The following GRID2 variants were observed in gnomAD, a reference collection of about 807,000 sequenced individuals.
The protein encoded by GRID2 is glutamate receptor ionotropic, delta-2.
A neutral mutation model predicts 114.8 loss-of-function variants in GRID2; 33 were observed. The ratio of observed to expected loss-of-function variants is 0.29; its 90% CI spans 0.22 to 0.38. The LOEUF (loss-of-function observed/expected upper bound fraction) is 0.38. Ranked by LOEUF, GRID2 falls within the 10% of genes least tolerant of loss-of-function variation. GRID2 has a pLI of 1.00. For synonymous variants in GRID2, 505 were observed against 449.9 expected, an observed-to-expected ratio of 1.12 and a Z score of -1.55; for missense variants, 1,184 against 1,257.7, an observed-to-expected ratio of 0.94 and a Z score of 0.89.
At chr4:93,652,464 C>G (rs1249921804) in intron 14 of GRID2, among the ~76,000 whole-genome samples, 3 of 152,058 alleles carry the variant, frequency 2.0e-5, no homozygotes, top group Non-Finnish European at 2.9e-5. Context: ...TTTAGACACA[C>G]AAATACCTAT....
intron 2 of GRID2, among the ~76,000 whole-genome samples, chr4:92,627,732 C>A (rs538716570): frequency 6.6e-6 from 1 of 152,224 alleles, no homozygotes; most frequent in Admixed American, 6.5e-5. Context: ...ATTTACTAAA[C>A]TGAAATATCA....
In GRID2 at chr4:93,332,297, T is replaced by TGAGAGA. The variant is rs1255976950; in HGVS notation, c.1246-63309_1246-63308insAGAGAG. ...GTGTGTGTGTGTGTGTGTGTGTGTG[T>TGAGAGA]GTGAGAGAGAGAGAGAGAGAGAGAG... On this transcript the variant is annotated intron_variant, in intron 8 of 15. Transcript: ENST00000282020. 5.6e-3 allele frequency among the ~76,000 whole-genome samples: 745 copies of TGAGAGA among 133,012 alleles called. 3 individuals are homozygous for TGAGAGA. The highest frequency in any genetic ancestry group is 0.023 in the African/African-American group (709 of 31,300). 87.3% of individuals were successfully genotyped at this position (133,012 alleles called of 152,430 possible). A position where few individuals can be genotyped will look rare whatever the true frequency, so the allele number is the denominator to read the frequency against.
At chr4:93,536,679 A>C (rs1245275830) in intron 13 of GRID2, among the ~76,000 whole-genome samples, 1 of 148,924 alleles carries the variant, frequency 6.7e-6, no homozygotes, top group Non-Finnish European at 1.5e-5. Flanking sequence ...TTGTTGATTT[A>C]GAGATTCAAT....
At chr4:92,763,029 T>G (rs1738093633) in intron 2 of GRID2, among the ~76,000 whole-genome samples, 1 of 152,178 alleles carries the variant, frequency 6.6e-6, no homozygotes, top group Non-Finnish European at 1.5e-5. Context: ...AGTGGTTAAG[T>G]AGCTTTTAAA....
At chr4:93,809,092 T>C (rs570651775) in exon 2 of GRID2, 10 of 152,330 alleles carry the variant, frequency 6.6e-5, no homozygotes, top group African/African-American at 2.2e-4. Context: ...TATGATAAGA[T>C]GTGTTTCTGG....
At chr4:92,743,378 A>G (rs571837943) in intron 2 of GRID2, among the ~76,000 whole-genome samples, 17 of 152,324 alleles carry the variant, frequency 1.1e-4, no homozygotes, top group African/African-American at 3.8e-4. Flanking sequence ...TTTCTGTTGT[A>G]TATGAGCAGT....
At chr4:93,297,141 T>C (rs918032892) in intron 8 of GRID2, among the ~76,000 whole-genome samples, 1 of 152,312 alleles carries the variant, frequency 6.6e-6, no homozygotes, top group South Asian at 2.1e-4. Context: ...TTTTGTCCTG[T>C]AATCCATGAC....
intron 1 of GRID2, among the ~76,000 whole-genome samples, chr4:92,462,762 A>G (rs1721559286): frequency 6.6e-6 from 1 of 152,004 alleles, no homozygotes; most frequent in Non-Finnish European, 1.5e-5. Flanking sequence ...ATATCATTGT[A>G]TTACTGAAAT....
At chr4:92,717,085 T>G (rs539821711) in intron 2 of GRID2, among the ~76,000 whole-genome samples, 1 of 152,266 alleles carries the variant, frequency 6.6e-6, no homozygotes. Flanking sequence ...CAATGACCAC[T>G]TAATACGCAG....
chr4:93,677,395 A>G (rs922565784), intron 14 of GRID2, among the ~76,000 whole-genome samples: 5 of 152,140 alleles, frequency 3.3e-5, no homozygotes, highest in African/African-American at 1.2e-4. Context: ...GCAGACTTAA[A>G]TGTCCCTATC....
intron 2 of GRID2, among the ~76,000 whole-genome samples, chr4:92,936,046 TA>T (rs913756513): frequency 6.9e-6 from 1 of 144,436 alleles, no homozygotes; most frequent in Non-Finnish European, 1.5e-5. Context: ...AATAATAAAA[TA>T]AAAAAAAGAA....
At chr4:93,454,406 T>C (rs184849161) in intron 10 of GRID2, among the ~76,000 whole-genome samples, 217 of 152,212 alleles carry the variant, frequency 1.4e-3, no homozygotes, top group African/African-American at 4.7e-3. Context: ...AACTGAGATC[T>C]GAACAAGTTA....
At chr4:93,004,312 T>C (rs1419328962) in intron 2 of GRID2, among the ~76,000 whole-genome samples, 3 of 151,944 alleles carry the variant, frequency 2.0e-5, no homozygotes. Flanking sequence ...GCCTATAGTT[T>C]CTTAGAGTTC....
At chr4:93,120,680 G>C (rs531673215) in intron 4 of GRID2, among the ~76,000 whole-genome samples, 2 of 152,024 alleles carry the variant, frequency 1.3e-5, no homozygotes, top group Non-Finnish European at 2.9e-5. Context: ...GGGACTGGGC[G>C]CGGTGGCTCA....
chr4:92,498,565 A>C lies in GRID2; in HGVS notation c.89-91566A>C, dbSNP rs570192835. Among the ~76,000 whole-genome samples, 22 of 152,082 alleles carry C rather than the reference A, an allele frequency of 1.4e-4. No individual in the cohort carries two copies. The South Asian group carries it at 1.9e-3, about 13-fold the overall frequency. ...AAAATAATTCCTTGATTATTTTTAAAGTTTTGCTCAATTGGATTCAATTGA... is the reference window on the plus strand; with the variant it reads ...AAAATAATTCCTTGATTATTTTTAACGTTTTGCTCAATTGGATTCAATTGA... On this transcript the variant is annotated intron_variant, in intron 1 of 15. Coordinates refer to ENST00000282020, the MANE Select transcript of GRID2 (RefSeq NM_001510.4).
intron 1 of GRID2, among the ~76,000 whole-genome samples, chr4:92,376,529 C>A (rs1323063665): frequency 6.6e-6 from 1 of 152,036 alleles, no homozygotes; most frequent in African/African-American, 2.4e-5. Context: ...ATTCTGGGGT[C>A]TGGAGGAAAG....
chr4:92,324,106 T>C (rs1054802623), intron 1 of GRID2, among the ~76,000 whole-genome samples: 1 of 152,030 alleles, frequency 6.6e-6, no homozygotes, highest in Non-Finnish European at 1.5e-5. Flanking sequence ...TTGAATATAA[T>C]GTAAGAGGTA....
intron 2 of GRID2, among the ~76,000 whole-genome samples, chr4:92,668,665 G>T (rs1732903691): frequency 6.6e-6 from 1 of 151,786 alleles, no homozygotes; most frequent in Non-Finnish European, 1.5e-5. Flanking sequence ...ATTAAATGTA[G>T]TAGAGACAGA....
At chr4:93,542,734 C>A (rs1307135271) in intron 13 of GRID2, among the ~76,000 whole-genome samples, 1 of 152,122 alleles carries the variant, frequency 6.6e-6, no homozygotes, top group Non-Finnish European at 1.5e-5. Context: ...GACCAGGGCA[C>A]CCAGCCTCTG....
Sources: gnomAD v4.1 joint callset for allele counts (sites outside exome capture counted in the v4.1 genomes callset) on GRCh38, gnomAD v4.1.1 for gene constraint, MANE v1.5 for transcripts, NCBI Gene and HGNC (gene_info 2026-07-23, HGNC 2026-07-21) for gene names.